CPE: variants seen among roughly 807,000 people sequenced by gnomAD.
The protein encoded by CPE is carboxypeptidase E.
CPE carries 17 observed loss-of-function variants against 53.5 expected under a neutral mutation model. The observed-to-expected ratio is 0.32, with a 90% CI of 0.22 to 0.48. CPE has a LOEUF of 0.48. CPE is among the 20% of genes least tolerant of loss of function. CPE has a pLI of 0.99. For synonymous variants in CPE, 226 were observed against 228.8 expected (o/e 0.99, Z 0.11); for missense variants, 524 against 614.7 (o/e 0.85, Z 1.56).
intron 4 of CPE, among the ~76,000 whole-genome samples, chr4:165,483,618 A>T (rs78940678): frequency 0.018 from 2,705 of 152,288 alleles, 87 homozygotes; most frequent in African/African-American, 0.057. Flanking sequence ...CACTGGTGGG[A>T]ATCCACGACA....
chr4:165,405,364 G>C, intron 1 of CPE: 6 of 1,391,462 alleles, frequency 4.3e-6, no homozygotes, highest in Non-Finnish European at 6.1e-6. Flanking sequence ...TTGATTCTTT[G>C]GTCATTGCAA....
intron 1 of CPE, 94 bp from the exon 2 acceptor site, chr4:165,464,296 C>A (rs1732058502): frequency 1.0e-6 from 1 of 1,003,134 alleles, no homozygotes; most frequent in Non-Finnish European, 1.4e-6. Flanking sequence ...GAGGAAAAAA[C>A]CCATCAGATA....
intron 3 of CPE, among the ~76,000 whole-genome samples, chr4:165,476,352 TGCAGTG>T (rs1183984987): frequency 1.3e-5 from 2 of 152,154 alleles, no homozygotes; most frequent in Non-Finnish European, 2.9e-5. Context: ...TGTCTGCATG[TGCAGTG>T]GCCTGGCAAC....
intron 1 of CPE, among the ~76,000 whole-genome samples, chr4:165,419,034 C>G (rs1028654254): frequency 6.6e-5 from 10 of 152,126 alleles, no homozygotes; most frequent in Non-Finnish European, 1.5e-4. Context: ...CTACTTACTC[C>G]GTGGTCTTCT....
intron 5 of CPE, among the ~76,000 whole-genome samples, chr4:165,486,266 C>A (rs564513879): frequency 1.2e-4 from 19 of 152,104 alleles, no homozygotes; most frequent in South Asian, 2.1e-4. Context: ...GTCTGGATGC[C>A]CTGCCTCCAT....
At chr4:165,433,219 G>A (rs1330154983) in intron 1 of CPE, among the ~76,000 whole-genome samples, 5 of 152,158 alleles carry the variant, frequency 3.3e-5, no homozygotes, top group Admixed American at 3.3e-4. Flanking sequence ...GAAAGGTAAT[G>A]GATTGGTTAA....
intron 1 of CPE, among the ~76,000 whole-genome samples, chr4:165,443,541 G>A (rs1222705357): frequency 6.6e-6 from 1 of 152,156 alleles, no homozygotes; most frequent in Non-Finnish European, 1.5e-5. Flanking sequence ...TCCTTGGCTT[G>A]CAGATGGCCG....
chr4:165,429,389 C>G (rs1166988735), intron 1 of CPE, among the ~76,000 whole-genome samples: 1 of 152,142 alleles, frequency 6.6e-6, no homozygotes, highest in Non-Finnish European at 1.5e-5. Flanking sequence ...TGGAAAAATT[C>G]TTTGCTTTTT....
At chr4:165,454,691 A>G (rs1485017744) in intron 1 of CPE, among the ~76,000 whole-genome samples, 1 of 152,224 alleles carries the variant, frequency 6.6e-6, no homozygotes. Context: ...GCAATGACTG[A>G]GGAAATGGAC....
chr4:165,477,954 C>A (rs565196025), intron 3 of CPE, among the ~76,000 whole-genome samples: 1 of 152,156 alleles, frequency 6.6e-6, no homozygotes, highest in Non-Finnish European at 1.5e-5. Context: ...TTCTCTAAGT[C>A]GTTTGTCATC....
chr4:165,404,282 C>A (rs535905993), intron 1 of CPE: 11 of 769,716 alleles, frequency 1.4e-5, no homozygotes, highest in South Asian at 1.2e-4. Context: ...GGCCAAGATC[C>A]CCTCTTGCGG....
chr4:165,398,723 C>T (rs573209445), intron 1 of CPE, among the ~76,000 whole-genome samples: 1 of 152,250 alleles, frequency 6.6e-6, no homozygotes, highest in Admixed American at 6.5e-5. Context: ...GGTGACAGAA[C>T]GGCTTAGCAA....
At chr4:165,392,344 A>G (rs1195220693) in intron 1 of CPE, among the ~76,000 whole-genome samples, 1 of 146,492 alleles carries the variant, frequency 6.8e-6, no homozygotes, top group Non-Finnish European at 1.5e-5. Context: ...ATGTATATGT[A>G]ATATGTAATA....
intron 3 of CPE, among the ~76,000 whole-genome samples, chr4:165,469,268 T>G (rs898115022): frequency 1.1e-4 from 17 of 152,292 alleles, no homozygotes; most frequent in Middle Eastern, 6.8e-3. Flanking sequence ...CAGCCCTCTA[T>G]TCCTTCTCTA....
chr4:165,427,423 A>G (rs1731341162), intron 1 of CPE, among the ~76,000 whole-genome samples: 1 of 151,774 alleles, frequency 6.6e-6, no homozygotes, highest in South Asian at 2.1e-4. Context: ...TTCCTGAACC[A>G]TTTTCTATAA....
chr4:165,497,614 G>A lies in CPE; in HGVS notation c.*4G>A. 6.5e-7 allele frequency: 1 copy of A among 1,535,522 alleles called. No homozygotes were observed. The highest frequency in any genetic ancestry group is 8.8e-7 in the Non-Finnish European group (1 of 1,136,264). On this transcript the variant is annotated 3_prime_UTR_variant, in exon 9 of 9. Transcript: ENST00000402744. Reference sequence around the variant, plus strand: ...GTCAGAAACTTTAAATTTTTAAAAAGGCTTCTAGTTAGCTGCTTTAAATCT... The same window carrying A: ...GTCAGAAACTTTAAATTTTTAAAAAAGCTTCTAGTTAGCTGCTTTAAATCT...
At chr4:165,468,593 C>T (rs1398078672) in intron 3 of CPE, among the ~76,000 whole-genome samples, 1 of 152,158 alleles carries the variant, frequency 6.6e-6, no homozygotes, top group Non-Finnish European at 1.5e-5. Flanking sequence ...ATCTCTGTCA[C>T]CGCTCACCAG....
In CPE at chr4:165,464,586, G is replaced by A; in HGVS notation, c.504G>A (p.Gln168=). ...NPDGFEKAAS[Q]PGELKDWFVG... ...ATGGCTTTGAGAAGGCAGCGTCTCA[G>A]GTGAGTGCCAGGCAGCTCAGATCAG... The change falls in exon 2 of 9, where the codon CAG becomes CAA. Residue 168 remains glutamine (Q), a splice_region_variant and synonymous_variant. Coordinates refer to ENST00000402744, the MANE Select transcript of CPE (RefSeq NM_001873.4). 6.2e-7 allele frequency: 1 copy of A among 1,607,950 alleles called. No individual in the cohort carries two copies. Among genetic ancestry groups the A allele is most frequent in the South Asian group, 1.1e-5 (1 of 90,352 alleles).
intron 1 of CPE, among the ~76,000 whole-genome samples, chr4:165,432,596 A>C (rs1368652943): frequency 6.6e-6 from 1 of 152,158 alleles, no homozygotes; most frequent in African/African-American, 2.4e-5. Context: ...ATGCCTGGTG[A>C]ATTAAATAAT....
Sources: allele counts gnomAD v4.1 joint callset (sites outside exome capture counted in the v4.1 genomes callset), GRCh38; gene constraint gnomAD v4.1.1; transcripts MANE v1.5; gene names NCBI Gene and HGNC (gene_info 2026-07-23, HGNC 2026-07-21).